Variants in FHIT observed in about 807,000 individuals in gnomAD.
FHIT encodes the protein bis(5'-adenosyl)-triphosphatase.
Under a neutral mutation model 17.9 loss-of-function variants are expected in FHIT, and 19 were observed. That is an observed-to-expected ratio of 1.06 (90% CI 0.74 to 1.56). FHIT has a LOEUF of 1.56. Ranked by LOEUF, FHIT falls within the 40% of genes most tolerant of loss-of-function variation. The pLI is 0.00. For missense variants in FHIT, 248 were observed against 189.2 expected (o/e 1.31, Z -1.82); for synonymous variants, 81 against 69.7 (o/e 1.16, Z -0.81).
At chr3:60,343,566 C>G (rs1276830664) in intron 5 of FHIT, among the ~76,000 whole-genome samples, 1 of 152,144 alleles carries the variant, frequency 6.6e-6, no homozygotes, top group Non-Finnish European at 1.5e-5. Context: ...CCCAGATATG[C>G]TACTAATACC....
intron 3 of FHIT, among the ~76,000 whole-genome samples, chr3:60,911,887 G>A (rs1553765980): frequency 6.6e-6 from 1 of 152,080 alleles, no homozygotes; most frequent in African/African-American, 2.4e-5. Context: ...AACTATAGAG[G>A]TTTAAAGAAT....
At chr3:60,409,834 T>C (rs1702000408) in intron 5 of FHIT, among the ~76,000 whole-genome samples, 1 of 152,314 alleles carries the variant, frequency 6.6e-6, no homozygotes, top group African/African-American at 2.4e-5. Flanking sequence ...CGAACCTTCT[T>C]TAGATTTTCT....
At chr3:60,615,766 AT>A (rs1559584562) in intron 4 of FHIT, among the ~76,000 whole-genome samples, 1 of 152,244 alleles carries the variant, frequency 6.6e-6, no homozygotes, top group East Asian at 1.9e-4. Flanking sequence ...TAGAAGTCTT[AT>A]TCAAATAAAA....
rs535696872 is a variant in FHIT at position 60,462,184 on chromosome 3, T to C, written c.103+74676A>G. Among the ~76,000 whole-genome samples, 52 of 152,254 alleles carry C rather than the reference T, an allele frequency of 3.4e-4. 1 individual carries two copies. The South Asian group carries it at 0.011, about 31-fold the overall frequency. ...GGAAGGATGATCATTACATCAAATA[T>C]TAAAGAGAGCTACCATGCAGTAAGC... On this transcript the variant is annotated intron_variant, in intron 5 of 9. Coordinates refer to ENST00000492590, the MANE Select transcript of FHIT (RefSeq NM_002012.4).
chr3:60,803,166 G>T (rs1553732826), intron 4 of FHIT, among the ~76,000 whole-genome samples: 1 of 152,136 alleles, frequency 6.6e-6, no homozygotes, highest in East Asian at 1.9e-4. Context: ...TGAGTTTCAA[G>T]AATCACAACT....
At position 60,007,198 on chromosome 3, in the gene FHIT, A is replaced by T. The variant is rs72877096; in HGVS notation, c.279+4173T>A. 6.3e-3 allele frequency among the ~76,000 whole-genome samples: 965 copies of T among 152,306 alleles called. 7 individuals are homozygous for T. Among genetic ancestry groups the T allele is most frequent in the African/African-American group, 0.022 (907 of 41,570 alleles). ...AAAGATGAACATACCAATTGTTCTA[A>T]AAGATAGCTCACATTTAACTTATTA... On this transcript the variant is annotated intron_variant, in intron 7 of 9. Transcript: ENST00000492590.
intron 4 of FHIT, among the ~76,000 whole-genome samples, chr3:60,710,312 C>G (rs1423968095): frequency 6.6e-6 from 1 of 152,156 alleles, no homozygotes; most frequent in African/African-American, 2.4e-5. Context: ...CGAAGAGGAA[C>G]AGCTCCGGTC....
At chr3:60,012,266 G>GTTTTTTTTTTTTTTTTTT (rs769497004) in intron 6 of FHIT, among the ~76,000 whole-genome samples, 1 of 112,484 alleles carries the variant, frequency 8.9e-6, no homozygotes, top group African/African-American at 3.4e-5. Flanking sequence ...TTTTTTTGTT[G>GTTTTTTTTTTTTTTTTTT]TTTTTTTTTT....
At chr3:60,013,913 C>T in intron 6 of FHIT, 94 bp downstream of exon 6, 2 of 1,288,298 alleles carry the variant, frequency 1.6e-6, no homozygotes, top group Non-Finnish European at 2.2e-6. Flanking sequence ...CAAACAATCA[C>T]ATCTGCCCTC....
intron 2 of FHIT, among the ~76,000 whole-genome samples, chr3:61,144,459 C>G (rs1298832564): frequency 6.6e-6 from 1 of 152,166 alleles, no homozygotes; most frequent in African/African-American, 2.4e-5. Flanking sequence ...GATATTTGAA[C>G]TGTTTCCACT....
intron 5 of FHIT, among the ~76,000 whole-genome samples, chr3:60,058,658 C>T (rs1178808472): frequency 6.6e-6 from 1 of 152,150 alleles, no homozygotes; most frequent in Non-Finnish European, 1.5e-5. Flanking sequence ...GAATTGACTC[C>T]CACTAGCTGT....
intron 8 of FHIT, among the ~76,000 whole-genome samples, chr3:59,883,540 T>A (rs991441862): frequency 9.9e-5 from 15 of 152,238 alleles, no homozygotes; most frequent in Non-Finnish European, 1.9e-4. Context: ...ACTGCCCCCA[T>A]GATTCAATTA....
intron 5 of FHIT, among the ~76,000 whole-genome samples, chr3:60,015,549 C>A (rs1038074579): frequency 6.6e-6 from 1 of 152,122 alleles, no homozygotes; most frequent in Non-Finnish European, 1.5e-5. Flanking sequence ...GATTGCCAGC[C>A]TCCACTCCCA....
intron 3 of FHIT, among the ~76,000 whole-genome samples, chr3:61,019,915 T>C (rs917366448): frequency 2.0e-5 from 3 of 151,916 alleles, no homozygotes; most frequent in African/African-American, 7.3e-5. Flanking sequence ...GTGTAGAACG[T>C]GCGGGTTTGT....
At chr3:60,537,417 T>C (rs2036023363) in intron 4 of FHIT, 2 of 944,404 alleles carry the variant, frequency 2.1e-6, no homozygotes, top group South Asian at 9.8e-5. Flanking sequence ...GGTTTTGTGT[T>C]CATATAATAG....
At chr3:60,184,171 G>C (rs1244437645) in intron 5 of FHIT, among the ~76,000 whole-genome samples, 2 of 151,820 alleles carry the variant, frequency 1.3e-5, no homozygotes, top group African/African-American at 4.8e-5. Flanking sequence ...TTTTGGTAGA[G>C]ACCAACTCTT....
At chr3:60,087,548 A>C (rs1703547820) in intron 5 of FHIT, among the ~76,000 whole-genome samples, 1 of 152,150 alleles carries the variant, frequency 6.6e-6, no homozygotes, top group Admixed American at 6.5e-5. Flanking sequence ...TAACCTGTTA[A>C]AAGTAGCCAT....
At chr3:61,019,184 T>C (rs190258301) in intron 3 of FHIT, among the ~76,000 whole-genome samples, 10 of 152,336 alleles carry the variant, frequency 6.6e-5, no homozygotes, top group Admixed American at 6.5e-4. Context: ...TGTACCCATA[T>C]TTACCTCATA....
intron 5 of FHIT, among the ~76,000 whole-genome samples, chr3:60,387,483 A>G (rs749293504): frequency 6.6e-6 from 1 of 152,206 alleles, no homozygotes; most frequent in African/African-American, 2.4e-5. Context: ...CTAAGTGGAC[A>G]TGTACAGGTG....
Sources: gnomAD v4.1 joint callset for allele counts (sites outside exome capture counted in the v4.1 genomes callset) on GRCh38, gnomAD v4.1.1 for gene constraint, MANE v1.5 for transcripts, NCBI Gene and HGNC (gene_info 2026-07-23, HGNC 2026-07-21) for gene names.